QTMAN: variants seen among roughly 807,000 people sequenced by gnomAD.
QTMAN encodes tRNA-queuosine alpha-mannosyltransferase.
chr2:144,116,666 T>A, the QTMAN span, among the ~76,000 whole-genome samples: 1 of 152,142 alleles, frequency 6.6e-6, no homozygotes, highest in Admixed American at 6.5e-5. Flanking sequence ...GCAAGAGAAA[T>A]ATACTCGAGC....
the QTMAN span, chr2:144,006,162 CACAA>C: frequency 7.9e-5 from 12 of 152,180 alleles, no homozygotes; most frequent in East Asian, 2.3e-3. Flanking sequence ...TATGAAGTTG[CACAA>C]ACAAATTCAA....
the QTMAN span, among the ~76,000 whole-genome samples, chr2:144,321,510 C>T: frequency 2.6e-5 from 4 of 152,174 alleles, no homozygotes; most frequent in Admixed American, 1.3e-4. Flanking sequence ...AATTCACAAA[C>T]GCAGTCATAA....
At chr2:144,216,958 AGAG>A in the QTMAN span, among the ~76,000 whole-genome samples, 1 of 152,216 alleles carries the variant, frequency 6.6e-6, no homozygotes, top group African/African-American at 2.4e-5. Flanking sequence ...TTTATTTAAC[AGAG>A]AAGAAAAAAA....
At chr2:143,944,025 C>T in the QTMAN span, 1 of 151,596 alleles carries the variant, frequency 6.6e-6, no homozygotes, top group Admixed American at 6.6e-5. Context: ...AAGAAAAAAA[C>T]AATCGAGTGT....
chr2:144,262,613 GAT>G, the QTMAN span, among the ~76,000 whole-genome samples: 1 of 105,072 alleles, frequency 9.5e-6, no homozygotes, highest in Non-Finnish European at 1.9e-5. Flanking sequence ...GGGGAGGGGA[GAT>G]AGGAGAGGAA....
At chr2:144,136,363 AGAAAAG>A in the QTMAN span, among the ~76,000 whole-genome samples, 4,840 of 112,962 alleles carry the variant, frequency 0.043, 216 homozygotes, top group South Asian at 0.083. Flanking sequence ...GAGGGAACAG[AGAAAAG>A]GAAAAGGAAA....
At chr2:144,127,099 CCAA>C in the QTMAN span, among the ~76,000 whole-genome samples, 1 of 151,898 alleles carries the variant, frequency 6.6e-6, no homozygotes, top group Non-Finnish European at 1.5e-5. Flanking sequence ...CACCCTCAAC[CCAA>C]CCCGCACATT....
the QTMAN span, among the ~76,000 whole-genome samples, chr2:144,164,689 G>A: frequency 4.6e-5 from 7 of 152,136 alleles, no homozygotes; most frequent in East Asian, 5.8e-4. Flanking sequence ...CATTCTGTCA[G>A]TCTTTTTTCC....
the QTMAN span, among the ~76,000 whole-genome samples, chr2:144,256,660 T>TA: frequency 2.1e-4 from 32 of 150,960 alleles, no homozygotes; most frequent in Non-Finnish European, 3.4e-4. Context: ...AAAGAACACA[T>TA]AGACACAGGG....
chr2:143,991,166 C>A, the QTMAN span, among the ~76,000 whole-genome samples: 7,690 of 151,902 alleles, frequency 0.051, 326 homozygotes, highest in African/African-American at 0.11. Context: ...GAGAAGAGAG[C>A]GAATGAGGCA....
chr2:144,327,277 G>T, the QTMAN span, among the ~76,000 whole-genome samples: 3 of 150,908 alleles, frequency 2.0e-5, no homozygotes, highest in African/African-American at 7.3e-5. Context: ...GTTTGCCTTT[G>T]CAATATCCAT....
the QTMAN span, among the ~76,000 whole-genome samples, chr2:143,974,273 G>T: frequency 6.6e-6 from 1 of 152,158 alleles, no homozygotes; most frequent in Middle Eastern, 3.4e-3. Flanking sequence ...CTTTTAAAGG[G>T]TAATTTGATA....
the QTMAN span, among the ~76,000 whole-genome samples, chr2:144,196,807 C>T: frequency 8.5e-5 from 13 of 152,142 alleles, no homozygotes; most frequent in African/African-American, 3.1e-4. Context: ...AAACTTTACT[C>T]ATTCATTTTC....
chr2:144,315,775 T>C, the QTMAN span, among the ~76,000 whole-genome samples: 6 of 152,212 alleles, frequency 3.9e-5, no homozygotes, highest in Non-Finnish European at 7.3e-5. Context: ...ATTAGAAAAG[T>C]ATTTTTCACT....
chr2:144,011,069 T>C, the QTMAN span, among the ~76,000 whole-genome samples: 1 of 152,106 alleles, frequency 6.6e-6, no homozygotes, highest in Non-Finnish European at 1.5e-5. Flanking sequence ...TACGGTTTCC[T>C]TGTTTATAGT....
chr2:143,954,195 C>T, the QTMAN span, among the ~76,000 whole-genome samples: 16,400 of 151,912 alleles, frequency 0.11, 1,416 homozygotes, highest in African/African-American at 0.23. Context: ...TACAAAAGTT[C>T]TGAGTTTATA....
chr2:144,315,365 C>G, the QTMAN span, among the ~76,000 whole-genome samples: 1 of 152,268 alleles, frequency 6.6e-6, no homozygotes, highest in South Asian at 2.1e-4. Flanking sequence ...TCATAAGATA[C>G]AAGGATAAGT....
At chr2:144,284,479 TA>T in the QTMAN span, among the ~76,000 whole-genome samples, 2 of 151,908 alleles carry the variant, frequency 1.3e-5, no homozygotes, top group African/African-American at 2.4e-5. Flanking sequence ...GCTATAATAT[TA>T]AAAAAAACTG....
At chr2:144,076,614 G>A in the QTMAN span, among the ~76,000 whole-genome samples, 1 of 152,120 alleles carries the variant, frequency 6.6e-6, no homozygotes, top group Admixed American at 6.5e-5. Flanking sequence ...CACTTAATAG[G>A]TGAAAACAAC....
Sources: allele counts gnomAD v4.1 joint callset (sites outside exome capture counted in the v4.1 genomes callset), GRCh38; gene constraint gnomAD v4.1.1; transcripts MANE v1.5; gene names NCBI Gene and HGNC (gene_info 2026-07-23, HGNC 2026-07-21).